SYPL1: variants seen among roughly 807,000 people sequenced by gnomAD.
SYPL1 encodes the protein synaptophysin-like protein 1.
SYPL1 carries 6 observed loss-of-function variants against 23.7 expected under a neutral mutation model. The ratio of observed to expected loss-of-function variants is 0.25; its 90% CI spans 0.14 to 0.50. The LOEUF (loss-of-function observed/expected upper bound fraction) is 0.50, where lower values mean the gene tolerates loss of function less well. Ranked by LOEUF, SYPL1 falls within the 20% of genes least tolerant of loss-of-function variation. SYPL1 has a pLI of 0.98. For synonymous variants in SYPL1, 102 were observed against 104.5 expected (o/e 0.98, Z 0.15); for missense variants, 253 against 288.9 (o/e 0.88, Z 0.90).
rs546531617 is a variant in SYPL1 at position 106,099,145 on chromosome 7, A to G, written c.194+13T>C. 2.5e-6 allele frequency: 4 copies of G among 1,595,634 alleles called. No homozygotes were observed. The Admixed American group carries it at 7.4e-5, about 29-fold the overall frequency. On this transcript the variant is annotated intron_variant, in intron 2 of 4. Coordinates refer to ENST00000455385, the MANE Select transcript of SYPL1 (RefSeq NM_182715.4). ...AAAAGAGTTGTGAAACCATTAAAATAAATATAACTCACCTGAATGGATAAC... is the reference window on the plus strand; with the variant it reads ...AAAAGAGTTGTGAAACCATTAAAATGAATATAACTCACCTGAATGGATAAC...
At position 106,091,643 on chromosome 7, in the gene SYPL1, T is replaced by A; in HGVS notation, c.*162A>T. On this transcript the variant is annotated 3_prime_UTR_variant, in exon 5 of 5. Transcript: ENST00000455385. This position sits in a 1 kb window ranked among gnomAD's most constrained non-coding sequence, Gnocchi z 5.0. ...AGAATACATTTACATCTTAACTTTCTAGGAAAGGCACAGGCTTTATGTAAA... is the reference window on the plus strand; with the variant it reads ...AGAATACATTTACATCTTAACTTTCAAGGAAAGGCACAGGCTTTATGTAAA... 4 of 661,512 alleles carry A rather than the reference T, an allele frequency of 6.0e-6. No homozygotes were observed. Among genetic ancestry groups the A allele is most frequent in the Middle Eastern group, 4.5e-4 (1 of 2,204 alleles). 41.0% of individuals were successfully genotyped at this position (661,512 alleles called of 1,614,324 possible).
At chr7:106,094,033 G>C (rs909594484) in intron 3 of SYPL1, among the ~76,000 whole-genome samples, 1 of 152,110 alleles carries the variant, frequency 6.6e-6, no homozygotes, top group African/African-American at 2.4e-5. Flanking sequence ...AATGACCAGG[G>C]TAGGAATAAT....
At chr7:106,102,510 G>T (rs1840383195) in intron 1 of SYPL1, among the ~76,000 whole-genome samples, 1 of 152,340 alleles carries the variant, frequency 6.6e-6, no homozygotes, top group Admixed American at 6.5e-5. Flanking sequence ...CTCACATGGT[G>T]TGGAATTGAG....
At chr7:106,107,742 C>CAAAAAA (rs10622990) in intron 1 of SYPL1, among the ~76,000 whole-genome samples, 1 of 79,346 alleles carries the variant, frequency 1.3e-5, no homozygotes, top group Admixed American at 1.5e-4. Context: ...ACTCCGTCTC[C>CAAAAAA]AAAAAAAAAA....
upstream of SYPL1, chr7:106,112,460 G>T (rs746067265): frequency 1.6e-5 from 24 of 1,481,648 alleles, no homozygotes; most frequent in Admixed American, 2.5e-5. Flanking sequence ...AGACCGGGAG[G>T]CTTCTCCTCA....
chr7:106,094,475 G>GCTGCTACAGATAC (rs1343079800), intron 3 of SYPL1, among the ~76,000 whole-genome samples: 1 of 152,166 alleles, frequency 6.6e-6, no homozygotes, highest in Non-Finnish European at 1.5e-5. Flanking sequence ...TTTTGTATCT[G>GCTGCTACAGATAC]AGCTCTCTGC....
intron 1 of SYPL1, among the ~76,000 whole-genome samples, chr7:106,101,866 G>C (rs904223566): frequency 2.0e-5 from 3 of 151,716 alleles, no homozygotes. Flanking sequence ...GTGTGTATAA[G>C]ACAAATTGTA....
chr7:106,108,974 G>C (rs1222252000), intron 1 of SYPL1, among the ~76,000 whole-genome samples: 1 of 152,134 alleles, frequency 6.6e-6, no homozygotes, highest in Non-Finnish European at 1.5e-5. Flanking sequence ...GGTTTAATAA[G>C]AATCAGGAAG....
upstream of SYPL1, chr7:106,112,493 T>C (rs758009323): frequency 1.4e-5 from 21 of 1,524,374 alleles, no homozygotes; most frequent in East Asian, 2.3e-4. Flanking sequence ...CCGAGTCGAC[T>C]GATCCGCTGG....
rs552975207 is a variant in SYPL1, at chr7:106,110,907, C to A, written c.69+1233G>T. The stretch of plus-strand genomic sequence containing the variant: ...TTCTTAACGTTCATATTTGATTAGC[C>A]TCGTTAATGAGATTTTCCTCTTGCA... On this transcript the variant is annotated intron_variant, in intron 1 of 4. Transcript: ENST00000455385. 1.9e-4 allele frequency among the ~76,000 whole-genome samples: 29 copies of A among 152,218 alleles called. No homozygotes were observed. The South Asian group carries it at 5.4e-3, about 28-fold the overall frequency.
Position 106,100,535 on chromosome 7 carries a change from CA to C in SYPL1, c.70-1254del, listed in dbSNP as rs976838279. On this transcript the variant is annotated intron_variant, in intron 1 of 4. Transcript: ENST00000455385. This position sits in a 1 kb window ranked among gnomAD's most constrained non-coding sequence, Gnocchi z 5.1. ...TATTTTTGTACTTGTGAATTTTCTACAAAACAACACAAGTAAGCAAAAAATT... is the reference window on the plus strand; with the variant it reads ...TATTTTTGTACTTGTGAATTTTCTACAAACAACACAAGTAAGCAAAAAATT... 1.8e-4 allele frequency among the ~76,000 whole-genome samples: 28 copies of C among 152,252 alleles called. No individual in the cohort carries two copies. The East Asian group carries it at 4.2e-3, about 23-fold the overall frequency.
intron 3 of SYPL1, among the ~76,000 whole-genome samples, chr7:106,093,457 T>C (rs1451269454): frequency 2.0e-5 from 3 of 152,172 alleles, no homozygotes. Flanking sequence ...ACCTTAGACC[T>C]TGTCATCACC....
intron 1 of SYPL1, among the ~76,000 whole-genome samples, chr7:106,108,401 T>C (rs2891878): frequency 0.23 from 34,758 of 151,966 alleles, 5,560 homozygotes; most frequent in African/African-American, 0.46. Flanking sequence ...TTTCTTCATG[T>C]GTTTTAGGAT....
rs1358687913 is a variant in SYPL1 at position 106,099,199 on chromosome 7, AGTAACT to A, written c.147_152del (p.Val50_Thr51del). The A allele has an allele frequency of 1.1e-5, 17 of 1,613,884 alleles. No homozygotes were observed. Among genetic ancestry groups the A allele is most frequent in the Middle Eastern group, 3.3e-4 (2 of 6,078 alleles). On this transcript the variant is annotated inframe_deletion, in exon 2 of 5. Transcript: ENST00000455385. ...AAGTAGCTGTAACAGTTTTATTCTC[AGTAACT>A]GCAGGAGGACAATTCACTTGAATTT...
In SYPL1 at chr7:106,112,128, G is replaced by A. The variant is rs770160544; in HGVS notation, c.69+12C>T. On this transcript the variant is annotated intron_variant, in intron 1 of 4. Coordinates refer to ENST00000455385, the MANE Select transcript of SYPL1 (RefSeq NM_182715.4). ...GCGGCAGGCGGGCCTGGCCGGCGCG[G>A]GCTGCACTCACCCACTCGAGGACCT... is the stretch of plus-strand genomic sequence containing the variant. 6.7e-7 allele frequency: 1 copy of A among 1,489,654 alleles called. No homozygotes were observed. The highest frequency in any genetic ancestry group is 2.8e-5 in the East Asian group (1 of 36,134). 92.3% of individuals were successfully genotyped at this position (1,489,654 alleles called of 1,614,324 possible).
intron 1 of SYPL1, among the ~76,000 whole-genome samples, chr7:106,103,109 A>T (rs1840414262): frequency 6.6e-6 from 1 of 152,198 alleles, no homozygotes; most frequent in African/African-American, 2.4e-5. Flanking sequence ...GCTCACACGT[A>T]CTAAGAGACA....
At chr7:106,111,963 C>T in intron 1 of SYPL1, 177 bp downstream of exon 1, 2 of 793,910 alleles carry the variant, frequency 2.5e-6, no homozygotes, top group East Asian at 5.6e-5. Context: ...GGCGTCTCCG[C>T]CCCGCGCGGC....
Position 106,097,965 on chromosome 7 carries a change from G to A in SYPL1, c.195-68C>T. ...GACAGAAACATTTAAGCAAAACAAT[G>A]AGTGACACTTCAAAAAATACTCCCC... On this transcript the variant is annotated intron_variant, in intron 2 of 4. Transcript: ENST00000455385. This position sits in a 1 kb window ranked among gnomAD's most constrained non-coding sequence, Gnocchi z 4.6. 1 of 1,301,690 alleles carries A rather than the reference G, an allele frequency of 7.7e-7. No individual in the cohort carries two copies. Among genetic ancestry groups the A allele is most frequent in the South Asian group, 1.4e-5 (1 of 72,224 alleles). 80.6% of individuals were successfully genotyped at this position (1,301,690 alleles called of 1,614,324 possible).
In SYPL1 at chr7:106,112,275, G is replaced by A. The variant is rs1239048320; in HGVS notation, c.-67C>T. ...GGAGGAGGGGACCGACGAGACCAGA[G>A]CAGCCCGGTGGCGAGGAAGGGCAGG... On this transcript the variant is annotated 5_prime_UTR_variant, in exon 1 of 5. Coordinates refer to ENST00000455385, the MANE Select transcript of SYPL1 (RefSeq NM_182715.4). 3.4e-6 allele frequency: 5 copies of A among 1,449,618 alleles called. No individual in the cohort carries two copies. Among genetic ancestry groups the A allele is most frequent in the Non-Finnish European group, 4.6e-6 (5 of 1,086,062 alleles). 89.8% of individuals were successfully genotyped at this position (1,449,618 alleles called of 1,614,324 possible).
Sources: gnomAD v4.1 joint callset for allele counts (sites outside exome capture counted in the v4.1 genomes callset) on GRCh38, gnomAD v4.1.1 for gene constraint, Gnocchi (gnomAD v3.1) non-coding constraint, MANE v1.5 for transcripts, NCBI Gene and HGNC (gene_info 2026-07-23, HGNC 2026-07-21) for gene names.